The following CNTNAP3B variants were observed in gnomAD, a reference collection of about 807,000 sequenced individuals.
The protein encoded by CNTNAP3B is contactin associated protein family member 3B.
Under a neutral mutation model 108.9 loss-of-function variants are expected in CNTNAP3B, and 25 were observed. The observed-to-expected ratio is 0.23, with a 90% CI of 0.17 to 0.32. The LOEUF is 0.32. CNTNAP3B is among the 10% of genes least tolerant of loss of function. The pLI is 1.00. For missense variants in CNTNAP3B, 252 were observed against 1,210.4 expected (o/e 0.21, Z 11.75); for synonymous variants, 103 against 473.4 (o/e 0.22, Z 10.16).
At chr9:41,964,175 A>G (rs1825193034) in intron 11 of CNTNAP3B, among the ~76,000 whole-genome samples, 1 of 152,234 alleles carries the variant, frequency 6.6e-6, no homozygotes, top group Non-Finnish European at 1.5e-5. Context: ...CCTTTCTTTG[A>G]CTGAGAAGAT....
rs537819864 is a variant in CNTNAP3B at position 42,118,442 on chromosome 9, T to C, written c.85+10568A>G. Among the ~76,000 whole-genome samples, 8 of 138,386 alleles carry C rather than the reference T, an allele frequency of 5.8e-5. 1 individual carries two copies. In the East Asian group the frequency reaches 6.6e-4, roughly 11 times the overall value. 90.8% of individuals were successfully genotyped at this position (138,386 alleles called of 152,430 possible). A position where few individuals can be genotyped will look rare whatever the true frequency, so the allele number is the denominator to read the frequency against. On this transcript the variant is annotated intron_variant, in intron 1 of 23. Transcript: ENST00000377561. ...GACAAAAACCTCATGATTATCTCAA[T>C]AGATGCAGAAAAGGCCTTTGACAAA...
intron 16 of CNTNAP3B, among the ~76,000 whole-genome samples, chr9:41,923,645 C>T (rs1367609948): frequency 6.6e-6 from 1 of 152,298 alleles, no homozygotes; most frequent in East Asian, 1.9e-4. Context: ...GCCTATAGTC[C>T]CAGCTACTCA....
At chr9:42,000,092 CAT>C (rs1207599688) in intron 4 of CNTNAP3B, among the ~76,000 whole-genome samples, 3 of 132,704 alleles carry the variant, frequency 2.3e-5, no homozygotes, top group Non-Finnish European at 3.2e-5. Flanking sequence ...CATGGCTATC[CAT>C]TTCATTCACA....
intron 3 of CNTNAP3B, among the ~76,000 whole-genome samples, chr9:42,066,142 G>T (rs1462534559): frequency 7.3e-6 from 1 of 136,340 alleles, no homozygotes; most frequent in African/African-American, 2.9e-5. Flanking sequence ...AAATTAGAGA[G>T]GATTAACATC....
chr9:41,925,820 A>T (rs1408676601), intron 15 of CNTNAP3B, among the ~76,000 whole-genome samples: 1 of 152,302 alleles, frequency 6.6e-6, no homozygotes, highest in Non-Finnish European at 1.5e-5. Flanking sequence ...TGTCATAACA[A>T]AATGATCCAG....
At chr9:42,123,709 T>C (rs1828510206) in intron 1 of CNTNAP3B, among the ~76,000 whole-genome samples, 1 of 138,496 alleles carries the variant, frequency 7.2e-6, no homozygotes, top group Admixed American at 7.3e-5. Context: ...TGACATTCAA[T>C]AAACTTTTTT....
chr9:41,932,524 T>C (rs1163401740), intron 14 of CNTNAP3B, among the ~76,000 whole-genome samples: 10 of 151,394 alleles, frequency 6.6e-5, no homozygotes, highest in Admixed American at 5.4e-4. Flanking sequence ...TTTCTTCTTT[T>C]TTTTTTTTTT....
At chr9:42,087,584 G>A (rs1358320600) in intron 2 of CNTNAP3B, among the ~76,000 whole-genome samples, 1 of 144,960 alleles carries the variant, frequency 6.9e-6, no homozygotes, top group Non-Finnish European at 1.5e-5. Flanking sequence ...CAAATATGCT[G>A]AAACTCATGT....
At chr9:41,928,190 T>C (rs1276667706) in intron 15 of CNTNAP3B, among the ~76,000 whole-genome samples, 1 of 152,280 alleles carries the variant, frequency 6.6e-6, no homozygotes, top group Non-Finnish European at 1.5e-5. Flanking sequence ...GATTAATGGA[T>C]GCTGATAGAA....
At chr9:41,951,890 A>G (rs1198347348) in intron 13 of CNTNAP3B, among the ~76,000 whole-genome samples, 6 of 152,254 alleles carry the variant, frequency 3.9e-5, no homozygotes, top group African/African-American at 1.4e-4. Context: ...CAGCCTGACC[A>G]ACACGGTGAA....
chr9:42,094,408 A>G (rs2118675558), intron 2 of CNTNAP3B, among the ~76,000 whole-genome samples: 1 of 129,806 alleles, frequency 7.7e-6, no homozygotes, highest in Admixed American at 7.7e-5. Flanking sequence ...TAATCCCAAC[A>G]TTTTGGGAAG....
intron 1 of CNTNAP3B, among the ~76,000 whole-genome samples, chr9:42,124,193 CG>C (rs1307983899): frequency 7.4e-6 from 1 of 135,056 alleles, no homozygotes; most frequent in Admixed American, 7.4e-5. Context: ...AATCACTCTT[CG>C]TATTATTACA....
Position 41,933,884 on chromosome 9 carries a change from A to G in CNTNAP3B, c.2237+4360T>C, listed in dbSNP as rs1193156276. 3.9e-5 allele frequency among the ~76,000 whole-genome samples: 6 copies of G among 152,312 alleles called. No homozygotes were observed. The East Asian group carries it at 1.2e-3, about 29-fold the overall frequency. Reference sequence around the variant, plus strand: ...ATTCCGTAAAATTTGTTAAGATTCCATCCATTTACAAAATTTTTTATACTT... The same window carrying G: ...ATTCCGTAAAATTTGTTAAGATTCCGTCCATTTACAAAATTTTTTATACTT... On this transcript the variant is annotated intron_variant, in intron 14 of 23. Coordinates refer to ENST00000377561, the MANE Select transcript of CNTNAP3B (RefSeq NM_001201380.3).
At chr9:41,917,021 CTTCT>C (rs1823534998) in intron 18 of CNTNAP3B, among the ~76,000 whole-genome samples, 1 of 152,242 alleles carries the variant, frequency 6.6e-6, no homozygotes, top group African/African-American at 2.4e-5. Context: ...TGGATATAAA[CTTCT>C]TTGTGTCATC....
intron 11 of CNTNAP3B, among the ~76,000 whole-genome samples, chr9:41,962,872 G>T (rs62557280): frequency 0.011 from 1,646 of 150,800 alleles, no homozygotes; most frequent in South Asian, 0.043. Flanking sequence ...GGAGAATGGC[G>T]TGAACCCAGG....
At chr9:41,967,923 A>T (rs531564750) in intron 10 of CNTNAP3B, among the ~76,000 whole-genome samples, 70 of 152,272 alleles carry the variant, frequency 4.6e-4, no homozygotes, top group Admixed American at 1.4e-3. Context: ...TCACACATTC[A>T]TGCTTAGTTG....
rs1246002168 is a variant in CNTNAP3B at position 42,111,777 on chromosome 9, T to C, written c.86-7038A>G. 2.2e-5 allele frequency among the ~76,000 whole-genome samples: 3 copies of C among 138,542 alleles called. No individual in the cohort carries two copies. The South Asian group carries it at 7.0e-4, about 32-fold the overall frequency. 90.9% of individuals were successfully genotyped at this position (138,542 alleles called of 152,430 possible). A position where few individuals can be genotyped will look rare whatever the true frequency, so the allele number is the denominator to read the frequency against. ...GGATTATGTACTTTTTGTGTGTATA[T>C]GGCAGCTTTTCCATTATCATGATCA... On this transcript the variant is annotated intron_variant, in intron 1 of 23. Coordinates refer to ENST00000377561, the MANE Select transcript of CNTNAP3B (RefSeq NM_001201380.3).
At chr9:41,950,589 GA>G (rs1346948713) in intron 13 of CNTNAP3B, among the ~76,000 whole-genome samples, 2 of 143,876 alleles carry the variant, frequency 1.4e-5, no homozygotes, top group African/African-American at 5.2e-5. Flanking sequence ...TTATGCAAAT[GA>G]ATCTAGAGAG....
At chr9:42,063,890 T>C (rs1004716483) in intron 3 of CNTNAP3B, among the ~76,000 whole-genome samples, 1 of 150,430 alleles carries the variant, frequency 6.6e-6, no homozygotes, top group African/African-American at 2.5e-5. Flanking sequence ...CCCAGCCTAT[T>C]GTTTCTTTAC....
Sources: gnomAD v4.1 joint callset for allele counts (sites outside exome capture counted in the v4.1 genomes callset) on GRCh38, gnomAD v4.1.1 for gene constraint, MANE v1.5 for transcripts, NCBI Gene and HGNC (gene_info 2026-07-23, HGNC 2026-07-21) for gene names.